KCNIP4: variants seen among roughly 807,000 people sequenced by gnomAD.
The protein encoded by KCNIP4 is potassium voltage-gated channel interacting protein 4, also known as Kv channel-interacting protein 4.
In KCNIP4, 12 loss-of-function variants were observed where a neutral mutation model predicts 34.0. The observed-to-expected ratio is 0.35, with a 90% CI of 0.23 to 0.57. The LOEUF is 0.57. KCNIP4 is among the 20% of genes least tolerant of loss of function. KCNIP4 has a pLI of 0.83. For synonymous variants in KCNIP4, 124 were observed against 102.2 expected, an observed-to-expected ratio of 1.21 and a Z score of -1.29; for missense variants, 238 against 311.7, an observed-to-expected ratio of 0.76 and a Z score of 1.78.
At chr4:21,244,695 T>C (rs1760079748) in intron 1 of KCNIP4, among the ~76,000 whole-genome samples, 1 of 152,240 alleles carries the variant, frequency 6.6e-6, no homozygotes, top group African/African-American at 2.4e-5. Context: ...CATGAAATTC[T>C]TAAGTTTCAG....
At chr4:21,440,075 G>A (rs1727323608) in intron 1 of KCNIP4, among the ~76,000 whole-genome samples, 1 of 152,084 alleles carries the variant, frequency 6.6e-6, no homozygotes, top group African/African-American at 2.4e-5. Context: ...CAATGACAAA[G>A]GAAAATGAAA....
At chr4:21,124,211 G>A (rs766456694) in intron 1 of KCNIP4, among the ~76,000 whole-genome samples, 1 of 152,036 alleles carries the variant, frequency 6.6e-6, no homozygotes, top group Non-Finnish European at 1.5e-5. Context: ...TACAGTGTTT[G>A]GAAAGTCCCA....
intron 1 of KCNIP4, among the ~76,000 whole-genome samples, chr4:21,585,065 A>G (rs1378586614): frequency 6.6e-6 from 1 of 152,108 alleles, no homozygotes; most frequent in Non-Finnish European, 1.5e-5. Flanking sequence ...GATTTGCCAA[A>G]TATAGTTGTT....
At chr4:21,068,907 G>A (rs1482201536) in intron 1 of KCNIP4, among the ~76,000 whole-genome samples, 1 of 152,192 alleles carries the variant, frequency 6.6e-6, no homozygotes, top group Admixed American at 6.5e-5. Context: ...GTATAGATGT[G>A]TTATTGTATA....
chr4:21,273,277 T>C (rs1762260500), intron 1 of KCNIP4, among the ~76,000 whole-genome samples: 2 of 152,162 alleles, frequency 1.3e-5, no homozygotes, highest in South Asian at 2.1e-4. Flanking sequence ...CTACCTACTG[T>C]ATCCTCTATA....
At chr4:21,259,920 T>TGTGTGC (rs755266993) in intron 1 of KCNIP4, among the ~76,000 whole-genome samples, 35 of 150,192 alleles carry the variant, frequency 2.3e-4, no homozygotes, top group East Asian at 1.2e-3. Flanking sequence ...TGTGTGTGTG[T>TGTGTGC]GCACGTGCGC....
chr4:21,284,734 TTGTGTGTGTGTGTGTG>T (rs10547040), intron 1 of KCNIP4, among the ~76,000 whole-genome samples: 1,576 of 149,584 alleles, frequency 0.011, 12 homozygotes, highest in South Asian at 0.022. Context: ...GTGGGTGCCC[TTGTGTGTGTGTGTGTG>T]TGTGTGTGTG....
chr4:21,695,423 GCTT>G (rs576861683), intron 1 of KCNIP4, among the ~76,000 whole-genome samples: 56 of 139,882 alleles, frequency 4.0e-4, no homozygotes, highest in East Asian at 2.4e-3. Context: ...AAGATGCTGT[GCTT>G]CTTCTTTTTT....
chr4:20,754,456 A>T (rs1314275889), intron 4 of KCNIP4, among the ~76,000 whole-genome samples: 2 of 152,200 alleles, frequency 1.3e-5, no homozygotes, highest in Non-Finnish European at 2.9e-5. Context: ...AAGTGTAAGG[A>T]TGGCCATCAC....
At chr4:20,824,928 T>C (rs1411113505) in intron 3 of KCNIP4, among the ~76,000 whole-genome samples, 1 of 152,194 alleles carries the variant, frequency 6.6e-6, no homozygotes, top group Non-Finnish European at 1.5e-5. Context: ...ACCCTAAATG[T>C]GGTTAGACTC....
At chr4:21,237,378 A>G (rs1201333041) in intron 1 of KCNIP4, among the ~76,000 whole-genome samples, 1 of 152,146 alleles carries the variant, frequency 6.6e-6, no homozygotes, top group Non-Finnish European at 1.5e-5. Flanking sequence ...CAAATAGGTA[A>G]TAACATAATA....
At chr4:21,679,571 A>C (rs1353680636) in intron 1 of KCNIP4, among the ~76,000 whole-genome samples, 1 of 152,166 alleles carries the variant, frequency 6.6e-6, no homozygotes, top group Non-Finnish European at 1.5e-5. Context: ...TCTTGCCACC[A>C]ACACTCTGTG....
intron 1 of KCNIP4, among the ~76,000 whole-genome samples, chr4:21,452,973 T>G (rs531371288): frequency 1.6e-4 from 24 of 152,120 alleles, no homozygotes; most frequent in Admixed American, 1.4e-3. Context: ...AAGAGGAATG[T>G]TTTTAGTAGA....
intron 3 of KCNIP4, among the ~76,000 whole-genome samples, chr4:20,814,939 A>G (rs1209280828): frequency 6.6e-6 from 1 of 152,174 alleles, no homozygotes; most frequent in Admixed American, 6.5e-5. Context: ...TGAAGTCTGC[A>G]TTCTGCTTCT....
chr4:21,580,211 G>A (rs1741105492), intron 1 of KCNIP4, among the ~76,000 whole-genome samples: 1 of 152,088 alleles, frequency 6.6e-6, no homozygotes, highest in South Asian at 2.1e-4. Context: ...ACTGAGCCAT[G>A]ACCTTGAGCC....
At chr4:21,287,282 T>C (rs995989769) in intron 1 of KCNIP4, among the ~76,000 whole-genome samples, 2 of 152,202 alleles carry the variant, frequency 1.3e-5, no homozygotes, top group African/African-American at 4.8e-5. Flanking sequence ...ATCATTTACA[T>C]GAATAAAGAA....
chr4:20,732,824 G>A (rs1578415514), intron 6 of KCNIP4, 39 bp from the exon 7 acceptor site: 2 of 1,221,056 alleles, frequency 1.6e-6, no homozygotes, highest in East Asian at 2.3e-5. Flanking sequence ...CTGCACACAT[G>A]TATGAAGAAA....
intron 1 of KCNIP4, among the ~76,000 whole-genome samples, chr4:21,854,083 C>G (rs530496644): frequency 6.6e-6 from 1 of 152,300 alleles, no homozygotes; most frequent in East Asian, 1.9e-4. Flanking sequence ...CAATAGCACT[C>G]TGTCTTCCCA....
chr4:20,858,157 G>A (rs1008927387), intron 2 of KCNIP4, among the ~76,000 whole-genome samples: 1 of 139,616 alleles, frequency 7.2e-6, no homozygotes, highest in African/African-American at 2.6e-5. Context: ...GTTGCAGTGA[G>A]CCGAGATCTC....
Sources: allele counts gnomAD v4.1 joint callset (sites outside exome capture counted in the v4.1 genomes callset), GRCh38; gene constraint gnomAD v4.1.1; transcripts MANE v1.5; gene names NCBI Gene and HGNC (gene_info 2026-07-23, HGNC 2026-07-21).